Variants in CEP83 observed in about 807,000 individuals in gnomAD.
The protein encoded by CEP83 is centrosomal protein 83, also known as centrosomal protein of 83 kDa.
In CEP83, 70 loss-of-function variants were observed where a neutral mutation model predicts 101.9. That is an observed-to-expected ratio of 0.69 (90% CI 0.57 to 0.84). The LOEUF is 0.84. Ranked by LOEUF, CEP83 falls within the 40% of genes least tolerant of loss-of-function variation. CEP83 has a pLI of 0.00. For missense variants in CEP83, 715 were observed against 787.2 expected (o/e 0.91, Z 1.10); for synonymous variants, 264 against 267.9 (o/e 0.99, Z 0.14).
chr12:94,455,125 A>G (rs1026662627), intron 1 of CEP83, among the ~76,000 whole-genome samples: 1 of 152,256 alleles, frequency 6.6e-6, no homozygotes, highest in African/African-American at 2.4e-5. Context: ...GAATGAACCA[A>G]TTCCGGACAC....
chr12:94,284,924 G>A, the CEP83 span, among the ~76,000 whole-genome samples: 244 of 152,346 alleles, frequency 1.6e-3, no homozygotes, highest in Non-Finnish European at 3.0e-3. Context: ...GTAGATAGAA[G>A]GGGTGCAAAC....
chr12:94,297,692 A>G, the CEP83 span, among the ~76,000 whole-genome samples: 1 of 152,118 alleles, frequency 6.6e-6, no homozygotes, highest in South Asian at 2.1e-4. Context: ...TTTCACTATT[A>G]TTGTTATTTT....
the CEP83 span, among the ~76,000 whole-genome samples, chr12:94,291,379 A>G: frequency 1.3e-5 from 2 of 152,100 alleles, no homozygotes; most frequent in African/African-American, 2.4e-5. Flanking sequence ...GTGTGCCACA[A>G]TGCTCAGCGC....
intron 2 of CEP83, among the ~76,000 whole-genome samples, chr12:94,429,039 C>T (rs557205552): frequency 6.6e-6 from 1 of 152,296 alleles, no homozygotes; most frequent in African/African-American, 2.4e-5. Flanking sequence ...AGAAAATGGA[C>T]TATTTAAACT....
chr12:94,413,627 ACTC>A (rs1359925561), intron 2 of CEP83, among the ~76,000 whole-genome samples: 2 of 151,836 alleles, frequency 1.3e-5, no homozygotes, highest in Non-Finnish European at 2.9e-5. Flanking sequence ...ATATTGATCA[ACTC>A]CTATGTGTTA....
chr12:94,324,428 CTTTTG>C (rs1186469004), intron 14 of CEP83, among the ~76,000 whole-genome samples: 1 of 151,928 alleles, frequency 6.6e-6, no homozygotes, highest in Non-Finnish European at 1.5e-5. Context: ...TATACTATTC[CTTTTG>C]TTTTAATATC....
the CEP83 span, among the ~76,000 whole-genome samples, chr12:94,293,463 C>G: frequency 4.6e-5 from 7 of 152,210 alleles, no homozygotes; most frequent in African/African-American, 1.7e-4. Flanking sequence ...GTGGCTTAAA[C>G]ATTTGTTCCT....
intron 11 of CEP83, among the ~76,000 whole-genome samples, chr12:94,352,542 A>G (rs1233166458): frequency 2.0e-5 from 3 of 152,110 alleles, no homozygotes; most frequent in African/African-American, 4.8e-5. Context: ...GAAATTAAAA[A>G]TAACAATGTT....
At chr12:94,297,457 A>C in the CEP83 span, 1 of 1,366,302 alleles carries the variant, frequency 7.3e-7, no homozygotes, top group Non-Finnish European at 1.0e-6. Context: ...CTTTATGGCT[A>C]CCTAGGGGGT....
intron 6 of CEP83, among the ~76,000 whole-genome samples, chr12:94,379,365 T>C (rs576143348): frequency 1.3e-5 from 2 of 152,244 alleles, no homozygotes; most frequent in East Asian, 1.9e-4. Flanking sequence ...ATCATAACAT[T>C]ATAGGGGTTC....
the CEP83 span, among the ~76,000 whole-genome samples, chr12:94,300,078 C>T: frequency 2.4e-4 from 36 of 152,128 alleles, no homozygotes; most frequent in Non-Finnish European, 4.6e-4. Context: ...AGTTCATGTT[C>T]GGGTATTTGA....
At chr12:94,284,492 G>T in the CEP83 span, among the ~76,000 whole-genome samples, 257 of 152,304 alleles carry the variant, frequency 1.7e-3, 1 homozygote, top group African/African-American at 5.8e-3. Flanking sequence ...TGAAAGGTTT[G>T]TTTCAGATGT....
At chr12:94,279,114 C>A in the CEP83 span, among the ~76,000 whole-genome samples, 18 of 152,208 alleles carry the variant, frequency 1.2e-4, no homozygotes, top group Non-Finnish European at 2.5e-4. Context: ...AATCACCAGT[C>A]TGCCTCATCT....
intron 11 of CEP83, among the ~76,000 whole-genome samples, chr12:94,340,375 C>T (rs2059626516): frequency 6.6e-6 from 1 of 152,084 alleles, no homozygotes; most frequent in South Asian, 2.1e-4. Flanking sequence ...GTGCCTGATA[C>T]CACGGTCGCA....
chr12:94,380,849 T>C (rs76552974), intron 6 of CEP83, among the ~76,000 whole-genome samples: 1 of 152,330 alleles, frequency 6.6e-6, no homozygotes, highest in African/African-American at 2.4e-5. Context: ...ACTTCCCATA[T>C]TATTGCTTTC....
chr12:94,340,487 A>G (rs1057115037), intron 11 of CEP83, among the ~76,000 whole-genome samples: 13 of 150,340 alleles, frequency 8.6e-5, no homozygotes, highest in African/African-American at 3.2e-4. Flanking sequence ...CCCAGGCTGG[A>G]GTGCAGTGGC....
chr12:94,358,205 T>C (rs897598905), intron 11 of CEP83, among the ~76,000 whole-genome samples: 1 of 152,208 alleles, frequency 6.6e-6, no homozygotes, highest in African/African-American at 2.4e-5. Flanking sequence ...ATTCAAGCAA[T>C]TATAACTTCT....
At chr12:94,329,186 G>T (rs1181905978) in intron 14 of CEP83, among the ~76,000 whole-genome samples, 6 of 152,046 alleles carry the variant, frequency 3.9e-5, no homozygotes, top group Non-Finnish European at 8.8e-5. Flanking sequence ...TCATCTGGTA[G>T]ACATTTCAGT....
At chr12:94,301,742 T>A (rs1012516351), downstream of CEP83, among the ~76,000 whole-genome samples, 2 of 152,206 alleles carry the variant, frequency 1.3e-5, no homozygotes, top group Admixed American at 6.5e-5. Flanking sequence ...GTTCCACAGG[T>A]GCCTCAGACT....
Sources: allele counts gnomAD v4.1 joint callset (sites outside exome capture counted in the v4.1 genomes callset), GRCh38; gene constraint gnomAD v4.1.1; transcripts MANE v1.5; gene names NCBI Gene and HGNC (gene_info 2026-07-23, HGNC 2026-07-21).